Variants in ZDHHC23 observed in about 807,000 individuals in gnomAD.
ZDHHC23 encodes palmitoyltransferase ZDHHC23.
In ZDHHC23, 41 loss-of-function variants were observed where a neutral mutation model predicts 40.2. That is an observed-to-expected ratio of 1.02 (90% CI 0.79 to 1.32). The LOEUF (loss-of-function observed/expected upper bound fraction) is 1.32, where lower values mean the gene tolerates loss of function less well. Ranked by LOEUF, ZDHHC23 falls within the 40% of genes most tolerant of loss-of-function variation. ZDHHC23 has a pLI of 0.00. For synonymous variants in ZDHHC23, 204 were observed against 210.2 expected, an observed-to-expected ratio of 0.97 and a Z score of 0.26; for missense variants, 471 against 541.5, an observed-to-expected ratio of 0.87 and a Z score of 1.29.
chr3:113,961,302 C>T lies in ZDHHC23; in HGVS notation c.*2672C>T, dbSNP rs1939660289. On this transcript the variant is annotated 3_prime_UTR_variant, in exon 5 of 5. Coordinates refer to ENST00000638807, the MANE Select transcript of ZDHHC23 (RefSeq NM_001320466.2). ...TGGAGTTTAATAAATTACCTACTAT[C>T]ATCTGGCCACTTAGATTATTATCAC... 6.7e-6 allele frequency: 1 copy of T among 149,268 alleles called. No homozygotes were observed. The allele number at this position is 149,268 out of a possible 1,614,324, so 9.2% of individuals were successfully genotyped here.
the ZDHHC23 span, chr3:113,978,278 T>C: frequency 6.2e-7 from 1 of 1,614,022 alleles, no homozygotes; most frequent in Non-Finnish European, 8.5e-7. Context: ...AAATCTTCTT[T>C]TGAAGAAAAT....
Position 113,953,785 on chromosome 3 carries a change from A to AG in ZDHHC23, c.251dup (p.Ala85SerfsTer118), listed in dbSNP as rs1938910298. 1 of 1,614,222 alleles carries AG rather than the reference A, an allele frequency of 6.2e-7. No individual in the cohort carries two copies. Among genetic ancestry groups the AG allele is most frequent in the Non-Finnish European group, 8.5e-7 (1 of 1,180,040 alleles). Reference sequence around the variant, plus strand: ...TGATCGCCTCCGAATTCCTTGGCTTAGGGGAGCCAAAAAAGTGAACATCAG... The same window carrying AG: ...TGATCGCCTCCGAATTCCTTGGCTTAGGGGGAGCCAAAAAAGTGAACATCAG... On this transcript the variant is annotated frameshift_variant, in exon 3 of 5. Coordinates refer to ENST00000638807, the MANE Select transcript of ZDHHC23 (RefSeq NM_001320466.2). LOFTEE classifies it high-confidence loss of function.
downstream of ZDHHC23, among the ~76,000 whole-genome samples, chr3:113,968,588 T>C (rs980229068): frequency 1.3e-5 from 2 of 151,762 alleles, no homozygotes; most frequent in Non-Finnish European, 2.9e-5. Context: ...TAGCTGGGAC[T>C]ACAGGCACAT....
At chr3:113,969,596 TAA>T (rs1447128511), downstream of ZDHHC23, among the ~76,000 whole-genome samples, 1 of 152,200 alleles carries the variant, frequency 6.6e-6, no homozygotes, top group Non-Finnish European at 1.5e-5. Context: ...CACCATTTAT[TAA>T]AAGAGTGTCC....
At chr3:113,964,342 A>T (rs906681248), downstream of ZDHHC23, 2 of 152,214 alleles carry the variant, frequency 1.3e-5, no homozygotes, top group African/African-American at 4.8e-5. Context: ...TTCATAGAAG[A>T]GAGCATTTTA....
downstream of ZDHHC23, among the ~76,000 whole-genome samples, chr3:113,965,654 A>G (rs56715399): frequency 0.032 from 4,800 of 152,258 alleles, 236 homozygotes; most frequent in African/African-American, 0.11. Context: ...CAGTGGTGCA[A>G]TCTCGGCTCA....
At chr3:113,978,452 C>T in the ZDHHC23 span, 2 of 1,008,082 alleles carry the variant, frequency 2.0e-6, no homozygotes, top group Non-Finnish European at 1.4e-6. Flanking sequence ...TAGAGACATA[C>T]AAAGAAAAGG....
rs575365066 is a variant in ZDHHC23 at position 113,954,042 on chromosome 3, C to T, written c.504C>T (p.Pro168=). The T allele has an allele frequency of 2.5e-6, 4 of 1,614,136 alleles. No homozygotes were observed. The South Asian group carries it at 3.3e-5, about 13-fold the overall frequency. The change falls in exon 3 of 5, where the codon CCC becomes CCT. Residue 168 remains proline (P), a synonymous_variant. Coordinates refer to ENST00000638807, the MANE Select transcript of ZDHHC23 (RefSeq NM_001320466.2). ...TGGTCCCCAAAGGGCGTGTGGGTCC[C>T]GTTCAGCTGGCGGTTCTTACCTGCG... The part of the protein sequence containing the change: ...QEVVPKGRVG[P]VQLAVLTCGL...
chr3:113,949,856 C>T (rs1226757956), intron 2 of ZDHHC23, among the ~76,000 whole-genome samples: 2 of 152,214 alleles, frequency 1.3e-5, no homozygotes, highest in Non-Finnish European at 2.9e-5. Context: ...ATTAAAAACC[C>T]AGTGAACCCT....
At position 113,956,324 on chromosome 3, in the gene ZDHHC23, C is replaced by T. The variant is rs767747822; in HGVS notation, c.873-15C>T. The T allele has an allele frequency of 6.2e-7, 1 of 1,606,082 alleles. No homozygotes were observed. The highest frequency in any genetic ancestry group is 8.5e-7 in the Non-Finnish European group (1 of 1,177,646). ...AAAATGTGTTTGCTTTTTTATTTCTCTATGCTGTTTTGAGGATAAATAGCT... is the reference window on the plus strand; with the variant it reads ...AAAATGTGTTTGCTTTTTTATTTCTTTATGCTGTTTTGAGGATAAATAGCT... On this transcript the variant is annotated splice_polypyrimidine_tract_variant and intron_variant, in intron 3 of 4. Transcript: ENST00000638807.
chr3:113,954,201 C>G lies in ZDHHC23; in HGVS notation c.663C>G (p.Thr221=). ...TGAGCAGAAAAGGGCAGGAGAAGACCAAAGGGTTCCCTGGGGCAGACATGT... is the reference window on the plus strand; with the variant it reads ...TGAGCAGAAAAGGGCAGGAGAAGACGAAAGGGTTCCCTGGGGCAGACATGT... ...ECLSRKGQEK[T]KGFPGADMSG... Residue 221 remains threonine (T), a synonymous_variant, in exon 3 of 5, where the codon ACC becomes ACG. Coordinates refer to ENST00000638807, the MANE Select transcript of ZDHHC23 (RefSeq NM_001320466.2). The G allele has an allele frequency of 6.2e-7, 1 of 1,614,184 alleles. No individual in the cohort carries two copies. The highest frequency in any genetic ancestry group is 8.5e-7 in the Non-Finnish European group (1 of 1,180,028).
At position 113,962,862 on chromosome 3, in the gene ZDHHC23, C is replaced by T. The variant is rs568085612; in HGVS notation, c.*4232C>T. Reference sequence around the variant, plus strand: ...TACTTGTATTCATATCCTCTTATCACCTCAGACTCAGACACAAGGCCTTTT... The same window carrying T: ...TACTTGTATTCATATCCTCTTATCATCTCAGACTCAGACACAAGGCCTTTT... On this transcript the variant is annotated 3_prime_UTR_variant, in exon 5 of 5. Transcript: ENST00000638807. 1 of 152,302 alleles carries T rather than the reference C, an allele frequency of 6.6e-6. No homozygotes were observed. The highest frequency in any genetic ancestry group is 2.1e-4 in the South Asian group (1 of 4,830). The allele number at this position is 152,302 out of a possible 1,614,324, so 9.4% of individuals were successfully genotyped here. A position where few individuals can be genotyped will look rare whatever the true frequency, so the allele number is the denominator to read the frequency against.
At chr3:113,975,235 T>C in the ZDHHC23 span, among the ~76,000 whole-genome samples, 1 of 152,214 alleles carries the variant, frequency 6.6e-6, no homozygotes, top group Non-Finnish European at 1.5e-5. Flanking sequence ...CCGGAAGTGA[T>C]ACAGATATGT....
intron 3 of ZDHHC23, 88 bp downstream of exon 3, chr3:113,954,498 T>G: frequency 7.9e-7 from 1 of 1,258,456 alleles, no homozygotes; most frequent in South Asian, 1.6e-5. Context: ...TATCCCAAAA[T>G]TTCTCTCCTT....
chr3:113,949,041 C>A, intron 2 of ZDHHC23, 78 bp downstream of exon 2: 1 of 1,554,940 alleles, frequency 6.4e-7, no homozygotes, highest in Non-Finnish European at 8.8e-7. Context: ...CCTAGCCACC[C>A]AGAATGCTAG....
rs1374988608 is a variant in ZDHHC23, at chr3:113,958,939, T to C, written c.*309T>C. On this transcript the variant is annotated 3_prime_UTR_variant, in exon 5 of 5. Coordinates refer to ENST00000638807, the MANE Select transcript of ZDHHC23 (RefSeq NM_001320466.2). ...TAGAAGCAATTCCCATCCATTAGTA[T>C]GGAGGAAAGAGTGTTGGATTAGGAT... The C allele has an allele frequency of 3.3e-6, 4 of 1,217,114 alleles. No homozygotes were observed. Among genetic ancestry groups the C allele is most frequent in the African/African-American group, 1.6e-5 (1 of 63,316 alleles). The allele number at this position is 1,217,114 out of a possible 1,614,324, so 75.4% of individuals were successfully genotyped here.
intron 4 of ZDHHC23, among the ~76,000 whole-genome samples, chr3:113,956,889 A>C (rs1939276810): frequency 6.6e-6 from 1 of 152,180 alleles, no homozygotes; most frequent in African/African-American, 2.4e-5. Flanking sequence ...AAACCTTCTC[A>C]CTTTACTGCT....
At chr3:113,973,480 G>A in the ZDHHC23 span, among the ~76,000 whole-genome samples, 5 of 152,056 alleles carry the variant, frequency 3.3e-5, no homozygotes, top group East Asian at 7.7e-4. Context: ...AACATTTCTT[G>A]TAAGATGGGT....
intron 2 of ZDHHC23, among the ~76,000 whole-genome samples, chr3:113,951,275 C>T (rs1346947484): frequency 1.3e-5 from 2 of 152,178 alleles, no homozygotes; most frequent in African/African-American, 4.8e-5. Flanking sequence ...AGTGGGGGCT[C>T]TCTGTGGTGG....
Sources: gnomAD v4.1 joint callset for allele counts (sites outside exome capture counted in the v4.1 genomes callset) on GRCh38, gnomAD v4.1.1 for gene constraint, MANE v1.5 for transcripts, NCBI Gene and HGNC (gene_info 2026-07-23, HGNC 2026-07-21) for gene names.